Variants in ANK1 observed in about 807,000 individuals in gnomAD.
The protein encoded by ANK1 is ankyrin 1.
ANK1 carries 51 observed loss-of-function variants against 210.4 expected under a neutral mutation model. That is an observed-to-expected ratio of 0.24 (90% CI 0.19 to 0.31). The LOEUF (loss-of-function observed/expected upper bound fraction) is 0.31, where lower values mean the gene tolerates loss of function less well. Ranked by LOEUF, ANK1 falls within the 10% of genes least tolerant of loss-of-function variation. The pLI is 1.00. For synonymous variants in ANK1, 967 were observed against 1,025.9 expected (o/e 0.94, Z 1.10); for missense variants, 2,051 against 2,504.4 (o/e 0.82, Z 3.86).
chr8:41,769,163 TA>T (rs1842498453), intron 1 of ANK1, among the ~76,000 whole-genome samples: 3 of 152,126 alleles, frequency 2.0e-5, no homozygotes, highest in African/African-American at 7.2e-5. Flanking sequence ...CCATGGGGGT[TA>T]AAAAACTGGT....
chr8:41,714,540 G>C (rs764851781), intron 15 of ANK1, among the ~76,000 whole-genome samples: 18 of 152,054 alleles, frequency 1.2e-4, no homozygotes, highest in Non-Finnish European at 2.5e-4. Context: ...CTTTCCAAAG[G>C]CCATTCTCTC....
At chr8:41,822,064 A>AAGAGAGAGAGAGAGAG (rs10605195) in intron 1 of ANK1, among the ~76,000 whole-genome samples, 2 of 36,226 alleles carry the variant, frequency 5.5e-5, no homozygotes, top group African/African-American at 1.5e-4. Context: ...GAAAGAAAGA[A>AAGAGAGAGAGAGAGAG]AGAGAGAGAG....
chr8:41,695,457 C>A (rs1014905530), intron 26 of ANK1, 126 bp from the exon 27 acceptor site: 63 of 1,347,998 alleles, frequency 4.7e-5, no homozygotes, highest in Non-Finnish European at 6.2e-5. Flanking sequence ...GGAGGCCCCA[C>A]CTGCAGGCAG....
At chr8:41,891,260 G>C (rs1455602586) in intron 1 of ANK1, among the ~76,000 whole-genome samples, 1 of 151,606 alleles carries the variant, frequency 6.6e-6, no homozygotes, top group African/African-American at 2.4e-5. Context: ...TGTGAAAATA[G>C]GGAAGAAACC....
At chr8:41,861,747 G>A (rs903101680) in intron 1 of ANK1, among the ~76,000 whole-genome samples, 7 of 152,252 alleles carry the variant, frequency 4.6e-5, no homozygotes, top group Non-Finnish European at 1.0e-4. Flanking sequence ...AATACCCATG[G>A]ACAGGTATCT....
chr8:41,744,272 C>T (rs889059812), intron 2 of ANK1, among the ~76,000 whole-genome samples: 3 of 152,190 alleles, frequency 2.0e-5, no homozygotes, highest in East Asian at 3.9e-4. Flanking sequence ...TTTAGTAGAA[C>T]GCCAGCTAAA....
At chr8:41,830,245 A>C (rs538734810) in intron 1 of ANK1, among the ~76,000 whole-genome samples, 2 of 151,072 alleles carry the variant, frequency 1.3e-5, no homozygotes, top group South Asian at 4.2e-4. Flanking sequence ...TCCAGGACCA[A>C]ACAGCCAAAG....
At chr8:41,726,122 A>AGAGAGAAAT (rs1202994757) in intron 5 of ANK1, among the ~76,000 whole-genome samples, 176 bp from the exon 6 acceptor site, 1 of 152,200 alleles carries the variant, frequency 6.6e-6, no homozygotes. Context: ...TCCTCCCTGA[A>AGAGAGAAAT]GCCCTTCCTG....
chr8:41,838,381 C>T (rs76373097), intron 1 of ANK1, among the ~76,000 whole-genome samples: 1,605 of 152,304 alleles, frequency 0.011, 33 homozygotes, highest in African/African-American at 0.037. Flanking sequence ...ATTTGTAAAA[C>T]ATGCTCTACT....
At chr8:41,748,981 A>G (rs1381540386) in intron 2 of ANK1, among the ~76,000 whole-genome samples, 13 of 151,804 alleles carry the variant, frequency 8.6e-5, no homozygotes, top group Non-Finnish European at 8.8e-5. Flanking sequence ...CTTGCAGTGA[A>G]CAGAGATCCT....
chr8:41,813,759 G>A (rs965573008), intron 1 of ANK1, among the ~76,000 whole-genome samples: 3 of 152,334 alleles, frequency 2.0e-5, no homozygotes, highest in Non-Finnish European at 2.9e-5. Context: ...AGATTGGGGT[G>A]AATTCCTCTC....
At chr8:41,759,389 C>T (rs1281937459) in intron 1 of ANK1, among the ~76,000 whole-genome samples, 1 of 152,008 alleles carries the variant, frequency 6.6e-6, no homozygotes, top group East Asian at 1.9e-4. Context: ...ACCTGTAGTC[C>T]CAGCTACTCA....
chr8:41,660,537 C>T lies in ANK1; in HGVS notation c.*36+893G>A, dbSNP rs542770692. 12 of 466,836 alleles carry T rather than the reference C, an allele frequency of 2.6e-5. No homozygotes were observed. In the East Asian group the frequency reaches 4.2e-4, roughly 16 times the overall value. The allele number at this position is 466,836 out of a possible 1,614,324, so 28.9% of individuals were successfully genotyped here. A position where few individuals can be genotyped will look rare whatever the true frequency, so the allele number is the denominator to read the frequency against. On this transcript the variant is annotated intron_variant, in intron 42 of 42. Transcript: ENST00000289734. ...AGGGAGGATGGAGATCAGAGCCGGC[C>T]GCTGAAGCCCCCAGCACCACACACA... is the stretch of plus-strand genomic sequence containing the variant.
chr8:41,684,604 A>T lies in ANK1; in HGVS notation c.4477T>A (p.Leu1493Met), dbSNP rs767517798. 3 of 1,613,908 alleles carry T rather than the reference A, an allele frequency of 1.9e-6. No homozygotes were observed. The South Asian group carries it at 3.3e-5, about 18-fold the overall frequency. Residue 1493 changes from leucine (L) to methionine (M), a missense_variant, in exon 37 of 43, where the codon TTG (leucine) becomes ATG (methionine). By Grantham distance (15) the Leu-to-Met change is conservative (BLOSUM62 2). This residue lies in a region of ANK1 where 496 missense variants were observed against 533.4 expected (regional missense o/e 0.93). Coordinates refer to ENST00000289734, the MANE Select transcript of ANK1 (RefSeq NM_000037.4). ...LEGSGRQSRN[L>M]KPDRRHTDRD... ...TCGGTGTGCCGCCTGTCTGGCTTCA[A>T]GTTGCGGCTCTGTCGGCCGGAACCC...
rs369746830 is a variant in ANK1, at chr8:41,693,954, G to C, written c.3476C>G (p.Pro1159Arg). The C allele has an allele frequency of 3.1e-6, 5 of 1,613,920 alleles. No homozygotes were observed. The highest frequency in any genetic ancestry group is 2.2e-5 in the East Asian group (1 of 44,874). The change falls in exon 29 of 43, where the codon CCG becomes CGG. Residue 1159 changes from proline (P) to arginine (R), a missense_variant. Physicochemically the swap from Pro to Arg is moderately radical, Grantham distance 103. Transcript: ENST00000289734. The part of the protein sequence containing the change: ...IPLPPSWTDN[P>R]RDSGEGDTTS... The stretch of plus-strand genomic sequence containing the variant: ...GGTGTCTCCCTCCCCGCTGTCCCTC[G>C]GGTTGTCGGTCCAGGAAGGAGGTAG...
chr8:41,722,802 G>A lies in ANK1; in HGVS notation c.909+323C>T, dbSNP rs185533365. 4.9e-4 allele frequency among the ~76,000 whole-genome samples: 74 copies of A among 152,242 alleles called. No individual in the cohort carries two copies. In the East Asian group the frequency reaches 0.014, roughly 29 times the overall value. ...TGTCAATAACGTTTTATTGGAACAC[G>A]GGCCCTAGTTTGCATATTGCCTGTG... On this transcript the variant is annotated intron_variant, in intron 9 of 42. Coordinates refer to ENST00000289734, the MANE Select transcript of ANK1 (RefSeq NM_000037.4).
chr8:41,804,257 C>G (rs928561123), intron 1 of ANK1, among the ~76,000 whole-genome samples: 1 of 152,138 alleles, frequency 6.6e-6, no homozygotes, highest in Non-Finnish European at 1.5e-5. Flanking sequence ...GGCTGCCAAC[C>G]ATCCTCTTAC....
At chr8:41,714,841 C>G in intron 15 of ANK1, 135 bp downstream of exon 15, 1 of 921,448 alleles carries the variant, frequency 1.1e-6, no homozygotes. Context: ...GCCTGGGCAA[C>G]AGAGCGAGAC....
At chr8:41,861,145 T>C (rs993815806) in intron 1 of ANK1, among the ~76,000 whole-genome samples, 2 of 152,182 alleles carry the variant, frequency 1.3e-5, no homozygotes, top group Admixed American at 1.3e-4. Flanking sequence ...GGCCTGTGGA[T>C]ACCAGACTTT....
Sources: gnomAD v4.1 joint callset for allele counts (sites outside exome capture counted in the v4.1 genomes callset) on GRCh38, gnomAD v4.1.1 for gene constraint, gnomAD v4.1.1 regional missense constraint, MANE v1.5 for transcripts, NCBI Gene and HGNC (gene_info 2026-07-23, HGNC 2026-07-21) for gene names.